The following TIMP2 variants were observed in gnomAD, a reference collection of about 807,000 sequenced individuals.
TIMP2 encodes the protein metalloproteinase inhibitor 2.
Under a neutral mutation model 24.3 loss-of-function variants are expected in TIMP2, and 5 were observed. That is an observed-to-expected ratio of 0.21 (90% CI 0.11 to 0.43). TIMP2 has a LOEUF of 0.43. Among genes scored for constraint, TIMP2 ranks in the 20% least tolerant of loss-of-function variants. The pLI is 1.00. For synonymous variants in TIMP2, 130 were observed against 123.2 expected (o/e 1.06, Z -0.37); for missense variants, 221 against 297.5 (o/e 0.74, Z 1.89).
chr17:78,855,666 C>T lies in TIMP2; in HGVS notation c.*1G>A. 1 of 1,613,628 alleles carries T rather than the reference C, an allele frequency of 6.2e-7. No individual in the cohort carries two copies. Among genetic ancestry groups the T allele is most frequent in the South Asian group, 1.1e-5 (1 of 91,084 alleles). On this transcript the variant is annotated 3_prime_UTR_variant, in exon 5 of 5. Coordinates refer to ENST00000262768, the MANE Select transcript of TIMP2 (RefSeq NM_003255.5). This position sits in a 1 kb window ranked among gnomAD's most constrained non-coding sequence, Gnocchi z 6.0. ...TGGCCACAGGGGCGTTGGAGGCCTG[C>T]TTATGGGTCCTCGATGTCGAGAAAC...
intron 1 of TIMP2, among the ~76,000 whole-genome samples, chr17:78,884,311 A>G (rs998925412): frequency 2.0e-5 from 3 of 152,158 alleles, no homozygotes; most frequent in African/African-American, 7.2e-5. Flanking sequence ...TGGGCAGGGC[A>G]CTGTTCCTCC....
At chr17:78,918,071 C>A (rs868569038) in intron 1 of TIMP2, among the ~76,000 whole-genome samples, 15 of 142,734 alleles carry the variant, frequency 1.1e-4, no homozygotes, top group African/African-American at 3.5e-4. Context: ...CACAAACACA[C>A]ACACACACAC....
intron 1 of TIMP2, among the ~76,000 whole-genome samples, chr17:78,905,446 A>C (rs1205041084): frequency 1.3e-5 from 2 of 152,232 alleles, no homozygotes; most frequent in Non-Finnish European, 2.9e-5. Flanking sequence ...CCATAGATAC[A>C]AAATCTTCTA....
At chr17:78,860,384 G>A (rs2145745996) in intron 3 of TIMP2, among the ~76,000 whole-genome samples, 1 of 152,242 alleles carries the variant, frequency 6.6e-6, no homozygotes, top group South Asian at 2.1e-4. Flanking sequence ...AATGATCTCA[G>A]GCACAGCACC....
At chr17:78,918,065 A>ACACACAC (rs1555652947) in intron 1 of TIMP2, among the ~76,000 whole-genome samples, 1 of 144,812 alleles carries the variant, frequency 6.9e-6, no homozygotes, top group African/African-American at 2.6e-5. Flanking sequence ...TGCACACACA[A>ACACACAC]ACACACACAC....
At position 78,890,531 on chromosome 17, in the gene TIMP2, T is replaced by C; in HGVS notation, c.131-16612A>G. 8.5e-6 allele frequency: 11 copies of C among 1,294,122 alleles called. No individual in the cohort carries two copies. In the South Asian group the frequency reaches 1.6e-4, roughly 19 times the overall value. 80.2% of individuals were successfully genotyped at this position (1,294,122 alleles called of 1,614,324 possible). A position where few individuals can be genotyped will look rare whatever the true frequency, so the allele number is the denominator to read the frequency against. On this transcript the variant is annotated intron_variant, in intron 1 of 4. Coordinates refer to ENST00000262768, the MANE Select transcript of TIMP2 (RefSeq NM_003255.5). ...CCAGATTGCCCATTTTAAAGAGGCC[T>C]AATAGTCTCTGAGGCAATGACGCAA...
intron 3 of TIMP2, among the ~76,000 whole-genome samples, chr17:78,859,091 T>C (rs2069548082): frequency 6.6e-6 from 1 of 152,194 alleles, no homozygotes; most frequent in Non-Finnish European, 1.5e-5. Flanking sequence ...CTTCTCCCAT[T>C]TGAGTTTAAA....
At position 78,891,984 on chromosome 17, in the gene TIMP2, G is replaced by A; in HGVS notation, c.131-18065C>T. The A allele has an allele frequency of 6.4e-7, 1 of 1,550,660 alleles. No homozygotes were observed. Among genetic ancestry groups the A allele is most frequent in the African/African-American group, 1.4e-5 (1 of 73,140 alleles). On this transcript the variant is annotated intron_variant, in intron 1 of 4. Coordinates refer to ENST00000262768, the MANE Select transcript of TIMP2 (RefSeq NM_003255.5). The surrounding 1 kb of genome is among the most constrained non-coding windows in gnomAD (Gnocchi z 4.5). ...TCCCTGCAACTCCTCTCTTCACTAA[G>A]GGCTGCTCTATGCTTCTCCTTGGCC...
In TIMP2 at chr17:78,853,876, A is replaced by AG. The variant is rs921401595; in HGVS notation, c.*1790dup. On this transcript the variant is annotated 3_prime_UTR_variant, in exon 5 of 5. Coordinates refer to ENST00000262768, the MANE Select transcript of TIMP2 (RefSeq NM_003255.5). ...AGGGGTGGGGTGTTATATGGGTTGG[A>AG]GGGGTCTGGTGGAGTTGTATATACT... is the stretch of plus-strand genomic sequence containing the variant. 1 of 152,386 alleles carries AG rather than the reference A, an allele frequency of 6.6e-6. No homozygotes were observed. Among genetic ancestry groups the AG allele is most frequent in the Non-Finnish European group, 1.5e-5 (1 of 68,024 alleles). The allele number at this position is 152,386 out of a possible 1,614,324, so 9.4% of individuals were successfully genotyped here.
intron 1 of TIMP2, among the ~76,000 whole-genome samples, chr17:78,876,770 G>A (rs915420658): frequency 6.0e-5 from 9 of 151,158 alleles, no homozygotes; most frequent in Non-Finnish European, 1.3e-4. Context: ...CAAGTGATCC[G>A]CCCACTTTGG....
chr17:78,892,146 C>T (rs1389084507), intron 1 of TIMP2: 1 of 1,550,942 alleles, frequency 6.4e-7, no homozygotes, highest in Non-Finnish European at 8.7e-7. Context: ...TGCTGTGCCT[C>T]CTGATACCCT....
At chr17:78,917,659 G>A (rs543762918) in intron 1 of TIMP2, among the ~76,000 whole-genome samples, 10 of 152,248 alleles carry the variant, frequency 6.6e-5, no homozygotes, top group South Asian at 6.2e-4. Context: ...AGCAGCTGCC[G>A]TCTACCAAGG....
At chr17:78,873,711 A>T in intron 2 of TIMP2, 108 bp downstream of exon 2, 1 of 807,538 alleles carries the variant, frequency 1.2e-6, no homozygotes, top group Non-Finnish European at 2.0e-6. Context: ...CCTCTGCTCT[A>T]GTCCACAGGT....
At chr17:78,903,692 T>A (rs977312226) in intron 1 of TIMP2, among the ~76,000 whole-genome samples, 1 of 152,118 alleles carries the variant, frequency 6.6e-6, no homozygotes, top group Non-Finnish European at 1.5e-5. Context: ...AAGCCACACG[T>A]ACTTGGCCTC....
intron 1 of TIMP2, among the ~76,000 whole-genome samples, chr17:78,917,554 C>G (rs2070270656): frequency 6.6e-6 from 1 of 152,236 alleles, no homozygotes; most frequent in Non-Finnish European, 1.5e-5. Context: ...AAGCAGGTAT[C>G]TAAGACATAG....
intron 3 of TIMP2, among the ~76,000 whole-genome samples, chr17:78,860,037 G>A (rs1266725405): frequency 5.3e-5 from 8 of 151,768 alleles, no homozygotes; most frequent in African/African-American, 1.9e-4. Flanking sequence ...TTAGCCGGGT[G>A]TGGTGGCGGG....
At chr17:78,876,626 C>T (rs2069730138) in intron 1 of TIMP2, among the ~76,000 whole-genome samples, 1 of 152,168 alleles carries the variant, frequency 6.6e-6, no homozygotes, top group South Asian at 2.1e-4. Flanking sequence ...AAGCAATTCT[C>T]CTGCCTCAGC....
intron 3 of TIMP2, among the ~76,000 whole-genome samples, 167 bp from the exon 4 acceptor site, chr17:78,857,813 T>C (rs976194259): frequency 2.0e-5 from 3 of 152,308 alleles, no homozygotes; most frequent in Middle Eastern, 6.8e-3. Context: ...CTCACTCCTG[T>C]AATCCCAGCA....
In TIMP2 at chr17:78,920,870, C is replaced by T. The variant is rs185495211; in HGVS notation, c.130+4089G>A. The stretch of plus-strand genomic sequence containing the variant: ...TGGTGCCAAGATGTACCACCCCCTG[C>T]ATCCCCCACCACAGGGACAATGTCT... On this transcript the variant is annotated intron_variant, in intron 1 of 4. Coordinates refer to ENST00000262768, the MANE Select transcript of TIMP2 (RefSeq NM_003255.5). This position sits in a 1 kb window ranked among gnomAD's most constrained non-coding sequence, Gnocchi z 4.5. Among the ~76,000 whole-genome samples, 430 of 152,240 alleles carry T rather than the reference C, an allele frequency of 2.8e-3. No individual in the cohort carries two copies. The highest frequency in any genetic ancestry group is 5.1e-3 in the Non-Finnish European group (346 of 68,000).
Sources: allele counts gnomAD v4.1 joint callset (sites outside exome capture counted in the v4.1 genomes callset), GRCh38; gene constraint gnomAD v4.1.1; non-coding constraint Gnocchi (gnomAD v3.1); transcripts MANE v1.5; gene names NCBI Gene and HGNC (gene_info 2026-07-23, HGNC 2026-07-21).